HOMER1: variants seen among roughly 807,000 people sequenced by gnomAD.
HOMER1 encodes the protein homer protein homolog 1.
A neutral mutation model predicts 48.9 loss-of-function variants in HOMER1; 3 were observed. The ratio of observed to expected loss-of-function variants is 0.06; its 90% CI spans 0.03 to 0.16. The LOEUF (loss-of-function observed/expected upper bound fraction) is 0.16, where lower values mean the gene tolerates loss of function less well. HOMER1 is among the 10% of genes least tolerant of loss of function. The pLI, the probability that HOMER1 is intolerant of heterozygous loss-of-function variation, is 1.00. For missense variants in HOMER1, 247 were observed against 411.4 expected (o/e 0.60, Z 3.46); for synonymous variants, 134 against 146.4 (o/e 0.92, Z 0.61).
At chr5:79,509,723 A>G (rs1234991912) in intron 1 of HOMER1, among the ~76,000 whole-genome samples, 2 of 152,202 alleles carry the variant, frequency 1.3e-5, no homozygotes, top group Non-Finnish European at 2.9e-5. Flanking sequence ...CCATTTCCAA[A>G]AAGTTCATAA....
intron 1 of HOMER1, among the ~76,000 whole-genome samples, chr5:79,473,181 A>G (rs1235770154): frequency 6.6e-6 from 1 of 152,246 alleles, no homozygotes; most frequent in East Asian, 1.9e-4. Flanking sequence ...AGCCCAACCA[A>G]ATGATAAATA....
intron 1 of HOMER1, among the ~76,000 whole-genome samples, chr5:79,474,682 C>G (rs534104626): frequency 6.6e-6 from 1 of 152,256 alleles, no homozygotes; most frequent in East Asian, 1.9e-4. Context: ...CCTGCTACAT[C>G]TGTTCATCTT....
At chr5:79,447,303 T>C (rs1430623236) in intron 3 of HOMER1, among the ~76,000 whole-genome samples, 158 bp from the exon 4 acceptor site, 1 of 152,156 alleles carries the variant, frequency 6.6e-6, no homozygotes, top group Non-Finnish European at 1.5e-5. Context: ...TGACAGGAAA[T>C]GAAACCTAAT....
intron 1 of HOMER1, among the ~76,000 whole-genome samples, chr5:79,460,011 T>TC (rs1751273338): frequency 7.1e-6 from 1 of 140,420 alleles, no homozygotes; most frequent in Non-Finnish European, 1.6e-5. Context: ...TAGTTTTGCT[T>TC]TTTTCTTTCT....
At chr5:79,504,390 C>G (rs1384808613) in intron 1 of HOMER1, among the ~76,000 whole-genome samples, 1 of 137,644 alleles carries the variant, frequency 7.3e-6, no homozygotes, top group Non-Finnish European at 1.5e-5. Flanking sequence ...GAAAACAGCA[C>G]TGTTTTACAA....
intron 5 of HOMER1, among the ~76,000 whole-genome samples, chr5:79,435,609 A>T (rs1398873499): frequency 1.3e-5 from 2 of 152,194 alleles, no homozygotes; most frequent in Admixed American, 1.3e-4. Flanking sequence ...AGGCGGGTGG[A>T]TCATGAGGTC....
intron 1 of HOMER1, among the ~76,000 whole-genome samples, chr5:79,502,416 C>T (rs1160438168): frequency 1.3e-5 from 2 of 152,040 alleles, no homozygotes; most frequent in East Asian, 1.9e-4. Flanking sequence ...CCCTTAAAAC[C>T]CAAGAGAAGT....
intron 1 of HOMER1, among the ~76,000 whole-genome samples, chr5:79,473,830 C>T (rs1751685614): frequency 6.6e-6 from 1 of 152,114 alleles, no homozygotes; most frequent in African/African-American, 2.4e-5. Flanking sequence ...AACTTTATTC[C>T]AATACTAAGT....
At chr5:79,420,092 G>T (rs1297312939) in intron 5 of HOMER1, among the ~76,000 whole-genome samples, 1 of 152,182 alleles carries the variant, frequency 6.6e-6, no homozygotes, top group Non-Finnish European at 1.5e-5. Flanking sequence ...CTATCAGTTT[G>T]TGTAACTTCT....
chr5:79,439,526 CAAG>C (rs1017528694), intron 4 of HOMER1, among the ~76,000 whole-genome samples: 28 of 151,876 alleles, frequency 1.8e-4, no homozygotes, highest in African/African-American at 6.5e-4. Context: ...CACAAAAATG[CAAG>C]AAGATGTGAT....
chr5:79,500,994 A>ACACACACACACAC (rs1491137703), intron 1 of HOMER1, among the ~76,000 whole-genome samples: 5 of 143,004 alleles, frequency 3.5e-5, no homozygotes, highest in African/African-American at 5.3e-5. Flanking sequence ...ACACACACAC[A>ACACACACACACAC]AGGTCTGGCT....
chr5:79,467,343 A>G (rs1036058171), intron 1 of HOMER1, among the ~76,000 whole-genome samples: 2 of 136,394 alleles, frequency 1.5e-5, no homozygotes. Context: ...GTGAGCCGAG[A>G]TTGCACCATT....
intron 3 of HOMER1, among the ~76,000 whole-genome samples, chr5:79,449,256 AAAC>A (rs1247992965): frequency 6.6e-6 from 1 of 152,232 alleles, no homozygotes; most frequent in East Asian, 1.9e-4. Context: ...CAATAAAAAA[AAAC>A]ACAAAGTTCT....
intron 5 of HOMER1, among the ~76,000 whole-genome samples, chr5:79,402,844 T>C (rs998716413): frequency 2.6e-5 from 4 of 152,202 alleles, no homozygotes; most frequent in Non-Finnish European, 4.4e-5. Flanking sequence ...TGTTTTTGAT[T>C]TATTTCATCT....
At chr5:79,476,986 G>A (rs1388385824) in intron 1 of HOMER1, among the ~76,000 whole-genome samples, 2 of 152,102 alleles carry the variant, frequency 1.3e-5, no homozygotes, top group Non-Finnish European at 2.9e-5. Flanking sequence ...GGGGATCTTT[G>A]ACTCACAATC....
Position 79,441,800 on chromosome 5 carries a change from C to T in HOMER1, c.388-2651G>A, listed in dbSNP as rs138974345. Among the ~76,000 whole-genome samples the T allele has an allele frequency of 9.9e-5, 15 of 152,038 alleles. No individual in the cohort carries two copies. The South Asian group carries it at 2.1e-3, about 21-fold the overall frequency. On this transcript the variant is annotated intron_variant, in intron 4 of 8. Transcript: ENST00000334082. ...TGAAACCCTCTTTCCCTCCAACTAC[C>T]GCAGAGGTAGCCAAAAGTATTCTGC... is the stretch of plus-strand genomic sequence containing the variant.
chr5:79,459,079 AT>A (rs1751248069), intron 1 of HOMER1, among the ~76,000 whole-genome samples: 1 of 152,218 alleles, frequency 6.6e-6, no homozygotes, highest in South Asian at 2.1e-4. Flanking sequence ...GTAAGACACT[AT>A]TCTTTACTAA....
chr5:79,505,238 G>A (rs1406080513), intron 1 of HOMER1, among the ~76,000 whole-genome samples: 2 of 151,784 alleles, frequency 1.3e-5, no homozygotes, highest in African/African-American at 4.8e-5. Context: ...CAGCCTGGGT[G>A]ACACAGCAAG....
intron 6 of HOMER1, 71 bp downstream of exon 6, chr5:79,401,828 A>G: frequency 7.0e-7 from 1 of 1,436,120 alleles, no homozygotes; most frequent in Non-Finnish European, 9.7e-7. Flanking sequence ...TGCTGAATCT[A>G]CATGCAAATT....
Sources: allele counts gnomAD v4.1 joint callset (sites outside exome capture counted in the v4.1 genomes callset), GRCh38; gene constraint gnomAD v4.1.1; transcripts MANE v1.5; gene names NCBI Gene and HGNC (gene_info 2026-07-23, HGNC 2026-07-21).